The following ITGA6 variants were observed in gnomAD, a reference collection of about 807,000 sequenced individuals.
The protein encoded by ITGA6 is integrin alpha-6.
ITGA6 carries 63 observed loss-of-function variants against 133.6 expected under a neutral mutation model. That is an observed-to-expected ratio of 0.47 (90% confidence interval 0.38 to 0.58). The LOEUF (loss-of-function observed/expected upper bound fraction) is 0.58. Ranked by LOEUF, ITGA6 falls within the 20% of genes least tolerant of loss-of-function variation. The pLI, the probability that ITGA6 is intolerant of heterozygous loss-of-function variation, is 0.00. For synonymous variants in ITGA6, 434 were observed against 482.0 expected (o/e 0.90, Z 1.30); for missense variants, 1,068 against 1,309.4 (o/e 0.82, Z 2.85).
chr2:172,476,568 A>G (rs1455335886), intron 9 of ITGA6, 55 bp downstream of exon 9: 1 of 1,050,410 alleles, frequency 9.5e-7, no homozygotes, highest in Non-Finnish European at 1.5e-6. Context: ...GTTATACTAA[A>G]ATGTTGACCT....
intron 1 of ITGA6, among the ~76,000 whole-genome samples, chr2:172,436,499 T>C (rs1684326151): frequency 6.6e-6 from 1 of 152,164 alleles, no homozygotes; most frequent in Admixed American, 6.5e-5. Context: ...TGAGAGACAA[T>C]GATACCTCTC....
Position 172,485,069 on chromosome 2 carries a change from C to G in ITGA6, c.1711-52C>G, listed in dbSNP as rs564542442. The G allele has an allele frequency of 8.7e-6, 14 of 1,604,152 alleles. No homozygotes were observed. In the South Asian group the frequency reaches 8.8e-5, roughly 10 times the overall value. Reference sequence around the variant, plus strand: ...AATACAAAATCATTGTTTTGGAATTCCCCAATAGCATGTACACCCCACTTA... The same window carrying G: ...AATACAAAATCATTGTTTTGGAATTGCCCAATAGCATGTACACCCCACTTA... On this transcript the variant is annotated intron_variant, in intron 12 of 25. Transcript: ENST00000684293.
intron 23 of ITGA6, among the ~76,000 whole-genome samples, chr2:172,494,730 A>G (rs10195845): frequency 0.024 from 3,661 of 152,292 alleles, 133 homozygotes; most frequent in African/African-American, 0.085. Context: ...ACTGTTAAGA[A>G]TGTCATGCTG....
intron 20 of ITGA6, among the ~76,000 whole-genome samples, chr2:172,490,242 ACT>A (rs1227538671): frequency 1.3e-5 from 2 of 152,022 alleles, no homozygotes; most frequent in African/African-American, 4.8e-5. Context: ...AGAGCAAGTA[ACT>A]CTCTCAGTCA....
chr2:172,493,104 C>T (rs1376917082), intron 23 of ITGA6, among the ~76,000 whole-genome samples: 1 of 151,896 alleles, frequency 6.6e-6, no homozygotes, highest in African/African-American at 2.4e-5. Flanking sequence ...GCCAGAGTCT[C>T]ACCATGTTGC....
Position 172,452,668 on chromosome 2 carries a change from T to C in ITGA6, c.183-12871T>C, listed in dbSNP as rs529921758. Among the ~76,000 whole-genome samples, 8 of 152,326 alleles carry C rather than the reference T, an allele frequency of 5.3e-5. No individual in the cohort carries two copies. The South Asian group carries it at 1.7e-3, about 32-fold the overall frequency. Reference sequence around the variant, plus strand: ...TTGCTAGTGCTGTTAGTTCTGCAAGTATAAAATTAGAAACAAAGTTCAAGC... The same window carrying C: ...TTGCTAGTGCTGTTAGTTCTGCAAGCATAAAATTAGAAACAAAGTTCAAGC... On this transcript the variant is annotated intron_variant, in intron 1 of 25. Coordinates refer to ENST00000684293, the MANE Select transcript of ITGA6 (RefSeq NM_000210.4).
Position 172,491,143 on chromosome 2 carries a change from G to T in ITGA6, c.2778+21G>T. On this transcript the variant is annotated intron_variant, in intron 21 of 25. Coordinates refer to ENST00000684293, the MANE Select transcript of ITGA6 (RefSeq NM_000210.4). The surrounding 1 kb of genome is among the most constrained non-coding windows in gnomAD (Gnocchi z 4.4). The stretch of plus-strand genomic sequence containing the variant: ...CTCTTGTAAGTATTTTTCAAGAGCT[G>T]TGAATATTTGAGAGGATGAGGGGAA... 1 of 1,437,596 alleles carries T rather than the reference G, an allele frequency of 7.0e-7. No individual in the cohort carries two copies. Among genetic ancestry groups the T allele is most frequent in the Non-Finnish European group, 9.8e-7 (1 of 1,019,150 alleles). 89.1% of individuals were successfully genotyped at this position (1,437,596 alleles called of 1,614,324 possible). A position where few individuals can be genotyped will look rare whatever the true frequency, so the allele number is the denominator to read the frequency against.
chr2:172,480,138 G>T, intron 11 of ITGA6, 87 bp downstream of exon 11: 1 of 789,026 alleles, frequency 1.3e-6, no homozygotes, highest in Non-Finnish European at 2.2e-6. Flanking sequence ...TAAAACTGCA[G>T]TGGCCAACAT....
intron 9 of ITGA6, among the ~76,000 whole-genome samples, chr2:172,478,426 G>A (rs909948954): frequency 1.7e-4 from 26 of 152,174 alleles, no homozygotes; most frequent in African/African-American, 5.8e-4. Flanking sequence ...CTGAATCCAC[G>A]TGGTAATGAA....
At chr2:172,448,214 A>C (rs1574333097) in intron 1 of ITGA6, among the ~76,000 whole-genome samples, 1 of 152,306 alleles carries the variant, frequency 6.6e-6, no homozygotes, top group East Asian at 1.9e-4. Context: ...CCTTTAGCAC[A>C]GATCTCAAAG....
intron 1 of ITGA6, among the ~76,000 whole-genome samples, chr2:172,440,601 G>A (rs1684499968): frequency 6.6e-6 from 1 of 152,052 alleles, no homozygotes; most frequent in South Asian, 2.1e-4. Flanking sequence ...TGTATTAGTG[G>A]CAATGAAATT....
At chr2:172,439,140 G>A (rs945075404) in intron 1 of ITGA6, among the ~76,000 whole-genome samples, 15 of 151,824 alleles carry the variant, frequency 9.9e-5, no homozygotes, top group Admixed American at 9.8e-4. Flanking sequence ...ACAGGAGGGC[G>A]TTGACTGGGT....
rs150817750 is a variant in ITGA6 at position 172,501,272 on chromosome 2, G to A, written c.3115-500G>A. Reference sequence around the variant, plus strand: ...CACCCCACAGATCCAAAGGCCTCAAGTAAATGGCATTTGTTCCATAAAATT... The same window carrying A: ...CACCCCACAGATCCAAAGGCCTCAAATAAATGGCATTTGTTCCATAAAATT... On this transcript the variant is annotated intron_variant, in intron 24 of 25. Coordinates refer to ENST00000684293, the MANE Select transcript of ITGA6 (RefSeq NM_000210.4). 1.3e-3 allele frequency among the ~76,000 whole-genome samples: 204 copies of A among 152,264 alleles called. No homozygotes were observed. In the South Asian group the frequency reaches 0.017, roughly 13 times the overall value.
At chr2:172,435,392 G>A (rs941198208) in intron 1 of ITGA6, among the ~76,000 whole-genome samples, 2 of 152,064 alleles carry the variant, frequency 1.3e-5, no homozygotes, top group Non-Finnish European at 2.9e-5. Flanking sequence ...TCTTGCGGGT[G>A]ATGGCCTCTT....
intron 1 of ITGA6, among the ~76,000 whole-genome samples, chr2:172,460,303 C>CT (rs1177979360): frequency 6.6e-6 from 1 of 152,160 alleles, no homozygotes; most frequent in Non-Finnish European, 1.5e-5. Flanking sequence ...CATGGAGAAA[C>CT]TAAGAGGAAA....
At chr2:172,500,735 C>T (rs1232351034) in intron 24 of ITGA6, among the ~76,000 whole-genome samples, 2 of 152,190 alleles carry the variant, frequency 1.3e-5, no homozygotes, top group Non-Finnish European at 2.9e-5. Context: ...TTGAAAGCTG[C>T]CCAACAAAAC....
At chr2:172,475,337 A>G (rs1161717515) in intron 7 of ITGA6, among the ~76,000 whole-genome samples, 1 of 152,090 alleles carries the variant, frequency 6.6e-6, no homozygotes, top group Non-Finnish European at 1.5e-5. Flanking sequence ...TGCCTGTAAT[A>G]CCAGCTACTC....
chr2:172,438,940 G>A (rs753623985), intron 1 of ITGA6, among the ~76,000 whole-genome samples: 1 of 151,992 alleles, frequency 6.6e-6, no homozygotes, highest in Non-Finnish European at 1.5e-5. Context: ...ATGGCAGCAT[G>A]TCAAAACTCT....
chr2:172,448,927 G>T (rs551491086), intron 1 of ITGA6, among the ~76,000 whole-genome samples: 2 of 152,324 alleles, frequency 1.3e-5, no homozygotes, highest in South Asian at 4.1e-4. Flanking sequence ...CCTTGGAGAT[G>T]ATGAAACTTG....
Sources: gnomAD v4.1 joint callset for allele counts (sites outside exome capture counted in the v4.1 genomes callset) on GRCh38, gnomAD v4.1.1 for gene constraint, Gnocchi (gnomAD v3.1) non-coding constraint, MANE v1.5 for transcripts, NCBI Gene and HGNC (gene_info 2026-07-23, HGNC 2026-07-21) for gene names.